Variants in RANBP2 observed in about 807,000 individuals in gnomAD.
The protein encoded by RANBP2 is RAN binding protein 2, also known as E3 SUMO-protein ligase RanBP2.
RANBP2 carries 57 observed loss-of-function variants against 303.6 expected under a neutral mutation model. The observed-to-expected ratio is 0.19, with a 90% CI of 0.15 to 0.23. The LOEUF (loss-of-function observed/expected upper bound fraction) is 0.23. Ranked by LOEUF, RANBP2 falls within the 10% of genes least tolerant of loss-of-function variation. The pLI, the probability that RANBP2 is intolerant of heterozygous loss-of-function variation, is 1.00. For synonymous variants in RANBP2, 1,167 were observed against 1,301.5 expected (o/e 0.90, Z 2.23); for missense variants, 3,138 against 3,780.8 (o/e 0.83, Z 4.46).
At chr2:108,896,319 C>A in the RANBP2 span, 1 of 154,460 alleles carries the variant, frequency 6.5e-6, no homozygotes, top group East Asian at 1.9e-4. Flanking sequence ...GAAATAATAC[C>A]TGGAGCAGGG....
the RANBP2 span, among the ~76,000 whole-genome samples, chr2:109,496,517 A>G: frequency 6.6e-6 from 1 of 152,190 alleles, no homozygotes; most frequent in Admixed American, 6.5e-5. Context: ...TGTGACATCT[A>G]TGATAATAGT....
At chr2:108,952,085 A>G in the RANBP2 span, among the ~76,000 whole-genome samples, 11 of 152,342 alleles carry the variant, frequency 7.2e-5, no homozygotes, top group South Asian at 2.3e-3. Context: ...ACGGAAGGTC[A>G]AAAGGGAGAA....
the RANBP2 span, among the ~76,000 whole-genome samples, chr2:108,969,254 C>T: frequency 4.6e-5 from 7 of 152,074 alleles, no homozygotes; most frequent in Non-Finnish European, 1.0e-4. Flanking sequence ...TCAGCTCCAA[C>T]CTCCACCCCA....
chr2:109,250,401 A>T, the RANBP2 span, among the ~76,000 whole-genome samples: 2 of 152,074 alleles, frequency 1.3e-5, no homozygotes, highest in African/African-American at 4.8e-5. Flanking sequence ...CTTGTATTAT[A>T]TACAACTTCG....
the RANBP2 span, among the ~76,000 whole-genome samples, chr2:109,444,324 G>A: frequency 6.6e-6 from 1 of 152,166 alleles, no homozygotes; most frequent in Non-Finnish European, 1.5e-5. Flanking sequence ...TATTTAAAAA[G>A]TCAACTCTGT....
the RANBP2 span, among the ~76,000 whole-genome samples, chr2:109,578,616 A>C: frequency 6.6e-6 from 1 of 151,976 alleles, no homozygotes; most frequent in Non-Finnish European, 1.5e-5. Context: ...AAAATACAAA[A>C]ATTAGCTCGG....
At chr2:109,136,347 T>C in the RANBP2 span, among the ~76,000 whole-genome samples, 1 of 152,136 alleles carries the variant, frequency 6.6e-6, no homozygotes, top group Non-Finnish European at 1.5e-5. Context: ...TCAGATTTGA[T>C]GAATGTGAAA....
At chr2:108,827,144 A>G in the RANBP2 span, among the ~76,000 whole-genome samples, 3 of 152,190 alleles carry the variant, frequency 2.0e-5, no homozygotes, top group Non-Finnish European at 4.4e-5. Flanking sequence ...CAAAATGATG[A>G]GAATTTGGAA....
chr2:109,610,543 T>C, the RANBP2 span, among the ~76,000 whole-genome samples: 1 of 152,122 alleles, frequency 6.6e-6, no homozygotes. Context: ...GGAGAAACCC[T>C]GTGTCTACTA....
the RANBP2 span, among the ~76,000 whole-genome samples, chr2:109,190,610 A>C: frequency 0.82 from 124,496 of 152,186 alleles, 51,056 homozygotes; most frequent in East Asian, 0.89. Flanking sequence ...TCCCATTGCA[A>C]CTAATTATAT....
the RANBP2 span, among the ~76,000 whole-genome samples, chr2:109,434,037 G>A: frequency 6.6e-6 from 1 of 152,200 alleles, no homozygotes; most frequent in African/African-American, 2.4e-5. Context: ...ATGCCAGTAG[G>A]AACAGGTTGG....
the RANBP2 span, among the ~76,000 whole-genome samples, chr2:109,029,180 T>C: frequency 7.4e-3 from 1,130 of 152,272 alleles, 12 homozygotes; most frequent in African/African-American, 0.025. Context: ...GGCAAGATTA[T>C]TGTTATTACT....
the RANBP2 span, among the ~76,000 whole-genome samples, chr2:108,999,620 G>T: frequency 1.3e-5 from 2 of 152,248 alleles, no homozygotes; most frequent in South Asian, 4.2e-4. Context: ...GGAGATTCCT[G>T]GTAGGCTGAG....
the RANBP2 span, among the ~76,000 whole-genome samples, chr2:109,036,932 T>A: frequency 6.6e-6 from 1 of 151,990 alleles, no homozygotes; most frequent in Non-Finnish European, 1.5e-5. Context: ...TCACTTGAGG[T>A]CAGGAGTTTC....
the RANBP2 span, among the ~76,000 whole-genome samples, chr2:109,300,806 A>C: frequency 6.6e-6 from 1 of 152,170 alleles, no homozygotes; most frequent in Admixed American, 6.6e-5. Context: ...GTCATCACCT[A>C]GAGTGTCATT....
chr2:108,839,207 A>G, the RANBP2 span: 22 of 1,611,442 alleles, frequency 1.4e-5, no homozygotes, highest in Non-Finnish European at 1.9e-5. Context: ...ATGACAGAGC[A>G]GCTACAGTGG....
chr2:109,551,037 G>T, the RANBP2 span, among the ~76,000 whole-genome samples: 12 of 152,174 alleles, frequency 7.9e-5, no homozygotes, highest in Admixed American at 1.3e-4. Flanking sequence ...AGTGGGGAGG[G>T]TATATAGGAA....
At chr2:109,296,183 T>G in the RANBP2 span, among the ~76,000 whole-genome samples, 1 of 151,888 alleles carries the variant, frequency 6.6e-6, no homozygotes, top group African/African-American at 2.4e-5. Context: ...ACCCAGAGCC[T>G]CCTCCCATCT....
At chr2:109,606,889 T>C in the RANBP2 span, among the ~76,000 whole-genome samples, 31 of 152,078 alleles carry the variant, frequency 2.0e-4, no homozygotes, top group African/African-American at 7.5e-4. Flanking sequence ...TGACCGGAGG[T>C]GACCCACCCA....
Sources: gnomAD v4.1 joint callset for allele counts (sites outside exome capture counted in the v4.1 genomes callset) on GRCh38, gnomAD v4.1.1 for gene constraint, MANE v1.5 for transcripts, NCBI Gene and HGNC (gene_info 2026-07-23, HGNC 2026-07-21) for gene names.